SNX29: variants seen among roughly 807,000 people sequenced by gnomAD.
The protein encoded by SNX29 is sorting nexin 29, also known as sorting nexin-29.
In SNX29, 78 loss-of-function variants were observed where a neutral mutation model predicts 102.1. The observed-to-expected ratio is 0.76, with a 90% confidence interval of 0.64 to 0.92. The LOEUF is 0.92. Ranked by LOEUF, SNX29 falls within the 40% of genes least tolerant of loss-of-function variation. The pLI is 0.00. For synonymous variants in SNX29, 580 were observed against 414.5 expected (o/e 1.40, Z -4.85); for missense variants, 1,280 against 1,061.7 (o/e 1.21, Z -2.86).
chr16:12,370,463 G>T (rs2082642200), intron 16 of SNX29, among the ~76,000 whole-genome samples: 1 of 152,182 alleles, frequency 6.6e-6, no homozygotes, highest in Non-Finnish European at 1.5e-5. Flanking sequence ...GGGAGGGTGA[G>T]GCAGGATAAT....
chr16:12,405,446 G>A (rs2084121872), intron 18 of SNX29, among the ~76,000 whole-genome samples: 1 of 152,200 alleles, frequency 6.6e-6, no homozygotes, highest in Non-Finnish European at 1.5e-5. Context: ...CTTCCAGCCA[G>A]CCTCAGGCCT....
Position 12,139,799 on chromosome 16 carries a change from G to A in SNX29, c.1595+10041G>A, listed in dbSNP as rs530279356. 5.9e-5 allele frequency among the ~76,000 whole-genome samples: 9 copies of A among 151,844 alleles called. No homozygotes were observed. In the South Asian group the frequency reaches 1.7e-3, roughly 28 times the overall value. ...CCCAGGAGACCAGCCTGGGCAACACGGTGAGACCCTGTCTACACAAAAATT... is the reference window on the plus strand; with the variant it reads ...CCCAGGAGACCAGCCTGGGCAACACAGTGAGACCCTGTCTACACAAAAATT... On this transcript the variant is annotated intron_variant, in intron 13 of 20. Transcript: ENST00000566228.
At chr16:12,359,467 T>C (rs1597065595) in intron 16 of SNX29, among the ~76,000 whole-genome samples, 1 of 152,380 alleles carries the variant, frequency 6.6e-6, no homozygotes, top group East Asian at 1.9e-4. Flanking sequence ...TTGTCCATTT[T>C]TCTACTGCAC....
rs142648564 is a variant in SNX29, at chr16:12,396,458, T to A, written c.1900-1988T>A. Among the ~76,000 whole-genome samples, 27 of 152,264 alleles carry A rather than the reference T, an allele frequency of 1.8e-4. No individual in the cohort carries two copies. In the East Asian group the frequency reaches 5.2e-3, roughly 29 times the overall value. On this transcript the variant is annotated intron_variant, in intron 16 of 20. Coordinates refer to ENST00000566228, the MANE Select transcript of SNX29 (RefSeq NM_032167.5). ...GCAGTGGAGCTGGTGTCCTGATGGCTTGTGAGTCCCCCTCTGGTCTGCCCA... is the reference window on the plus strand; with the variant it reads ...GCAGTGGAGCTGGTGTCCTGATGGCATGTGAGTCCCCCTCTGGTCTGCCCA...
intron 15 of SNX29, among the ~76,000 whole-genome samples, chr16:12,284,715 C>T (rs577246063): frequency 3.3e-5 from 5 of 151,364 alleles, no homozygotes; most frequent in South Asian, 2.1e-4. Flanking sequence ...GCTTTGGTTT[C>T]GGTTCCTTTT....
intron 20 of SNX29, chr16:12,545,481 C>A (rs890734605): frequency 6.6e-6 from 1 of 152,274 alleles, no homozygotes. Context: ...TGACTCTCCT[C>A]CTGCAACTGT....
In SNX29 at chr16:12,569,609, C is replaced by G. The variant is rs188384934; in HGVS notation, c.*980C>G. On this transcript the variant is annotated 3_prime_UTR_variant, in exon 21 of 21. Coordinates refer to ENST00000566228, the MANE Select transcript of SNX29 (RefSeq NM_032167.5). ...CATCCCGTCTGCCCCCGACATTGTC[C>G]TTGATAACAGAACTCTGCATCCCCT... 4.5e-6 allele frequency: 1 copy of G among 224,028 alleles called. No individual in the cohort carries two copies. Among genetic ancestry groups the G allele is most frequent in the African/African-American group, 2.3e-5 (1 of 42,580 alleles). The allele number at this position is 224,028 out of a possible 1,614,324, so 13.9% of individuals were successfully genotyped here.
rs2079131909 is a variant in SNX29 at position 12,569,166 on chromosome 16, T to TC, written c.*539dup. ...GGGCATGGTTCCTTTCACTGCATTT[T>TC]CCACCAACAGTCATTAGACACCTGG... On this transcript the variant is annotated 3_prime_UTR_variant, in exon 21 of 21. Coordinates refer to ENST00000566228, the MANE Select transcript of SNX29 (RefSeq NM_032167.5). The TC allele has an allele frequency of 5.1e-6, 1 of 197,490 alleles. No individual in the cohort carries two copies. Among genetic ancestry groups the TC allele is most frequent in the African/African-American group, 2.4e-5 (1 of 41,676 alleles). The allele number at this position is 197,490 out of a possible 1,614,324, so 12.2% of individuals were successfully genotyped here. A position where few individuals can be genotyped will look rare whatever the true frequency, so the allele number is the denominator to read the frequency against.
chr16:12,525,553 A>G (rs550902111), intron 20 of SNX29, among the ~76,000 whole-genome samples: 2 of 151,978 alleles, frequency 1.3e-5, no homozygotes, highest in African/African-American at 4.8e-5. Flanking sequence ...TTAGCTGGGC[A>G]TGGTGGCAGG....
intron 18 of SNX29, among the ~76,000 whole-genome samples, chr16:12,470,276 C>G (rs1440544716): frequency 1.3e-5 from 2 of 152,208 alleles, no homozygotes; most frequent in African/African-American, 4.8e-5. Context: ...CTGCAGGAAG[C>G]AGGGGCAGCC....
intron 11 of SNX29, among the ~76,000 whole-genome samples, chr16:12,084,475 G>C (rs543890820): frequency 7.0e-4 from 106 of 152,308 alleles, no homozygotes; most frequent in Admixed American, 1.8e-3. Context: ...CCATAATTCT[G>C]CCTCAGGGAT....
intron 20 of SNX29, among the ~76,000 whole-genome samples, chr16:12,567,260 T>C (rs1295889559): frequency 1.3e-5 from 2 of 152,024 alleles, no homozygotes; most frequent in Admixed American, 6.5e-5. Context: ...TGTCTTCCCT[T>C]GTAGGGTCCA....
intron 15 of SNX29, among the ~76,000 whole-genome samples, chr16:12,302,699 G>A (rs1015819176): frequency 2.0e-5 from 3 of 152,180 alleles, no homozygotes; most frequent in African/African-American, 7.2e-5. Flanking sequence ...GCTTTTGAGG[G>A]AACACAAACA....
At chr16:12,086,514 G>C (rs2151380030) in intron 11 of SNX29, among the ~76,000 whole-genome samples, 1 of 150,602 alleles carries the variant, frequency 6.6e-6, no homozygotes, top group South Asian at 2.1e-4. Context: ...GGGCTTAAGC[G>C]ATCCTCCTGC....
chr16:12,240,007 A>G (rs1016703316), intron 14 of SNX29, among the ~76,000 whole-genome samples: 1 of 152,176 alleles, frequency 6.6e-6, no homozygotes, highest in Non-Finnish European at 1.5e-5. Flanking sequence ...ACACATTTAG[A>G]TCATTCTAGG....
intron 20 of SNX29, among the ~76,000 whole-genome samples, chr16:12,566,109 T>A (rs79060685): frequency 6.6e-6 from 1 of 152,220 alleles, no homozygotes; most frequent in Non-Finnish European, 1.5e-5. Flanking sequence ...CCACCCCACC[T>A]TTATTCTGTC....
chr16:12,430,114 AG>A (rs1468734321), intron 18 of SNX29, among the ~76,000 whole-genome samples: 1 of 152,240 alleles, frequency 6.6e-6, no homozygotes, highest in Non-Finnish European at 1.5e-5. Context: ...TGTGCATACA[AG>A]GGATCTAGGT....
intron 18 of SNX29, among the ~76,000 whole-genome samples, chr16:12,463,851 T>A (rs1054228939): frequency 1.7e-4 from 24 of 138,008 alleles, no homozygotes; most frequent in African/African-American, 6.7e-4. Flanking sequence ...TGTGTGTGTG[T>A]GTGAGAGATG....
intron 4 of SNX29, among the ~76,000 whole-genome samples, chr16:12,031,533 GTGGTGGCTCATGCC>G (rs1250065847): frequency 6.6e-6 from 1 of 151,918 alleles, no homozygotes; most frequent in African/African-American, 2.4e-5. Flanking sequence ...ATGGCCGGGC[GTGGTGGCTCATGCC>G]TGTAATCCCA....
Sources: allele counts gnomAD v4.1 joint callset (sites outside exome capture counted in the v4.1 genomes callset), GRCh38; gene constraint gnomAD v4.1.1; transcripts MANE v1.5; gene names NCBI Gene and HGNC (gene_info 2026-07-23, HGNC 2026-07-21).